Variants in STEAP1 observed in about 807,000 individuals in gnomAD.
The protein encoded by STEAP1 is STEAP1 protein.
In STEAP1, 30 loss-of-function variants were observed where a neutral mutation model predicts 34.4. That is an observed-to-expected ratio of 0.87 (90% CI 0.65 to 1.18). The LOEUF (loss-of-function observed/expected upper bound fraction) is 1.18, where lower values mean the gene tolerates loss of function less well. STEAP1 is among the 50% of genes most tolerant of loss of function. The pLI is 0.00. For missense variants in STEAP1, 318 were observed against 391.1 expected, an observed-to-expected ratio of 0.81 and a Z score of 1.58; for synonymous variants, 116 against 135.3, an observed-to-expected ratio of 0.86 and a Z score of 0.99.
At chr7:90,156,099 A>T (rs983013910) in intron 1 of STEAP1, among the ~76,000 whole-genome samples, 1 of 152,198 alleles carries the variant, frequency 6.6e-6, no homozygotes, top group African/African-American at 2.4e-5. Context: ...TGTTGTTCAC[A>T]ATATAGTTAA....
intron 3 of STEAP1, 57 bp from the exon 4 acceptor site, chr7:90,161,857 A>T: frequency 6.4e-7 from 1 of 1,557,894 alleles, no homozygotes; most frequent in South Asian, 1.3e-5. Flanking sequence ...AAGGAGATTC[A>T]CATTCAGGAA....
intron 1 of STEAP1, among the ~76,000 whole-genome samples, chr7:90,154,781 G>A (rs1202808018): frequency 1.3e-5 from 2 of 152,210 alleles, no homozygotes; most frequent in Non-Finnish European, 2.9e-5. Context: ...GTTGGGGAGA[G>A]CCAGGGACTC....
In STEAP1 at chr7:90,164,545, G is replaced by A. The variant is rs1329021493; in HGVS notation, c.831G>A (p.Trp277Ter). Residue 277 changes from tryptophan (W) to a stop codon, truncating the protein, a stop_gained, in exon 5 of 5, where the codon TGG (tryptophan) becomes TGA (stop). Transcript: ENST00000297205. LOFTEE classifies it high-confidence loss of function. Reference protein sequence around the residue: ...IHALIFAWNKWIDIKQFVWYT... With the variant: ...IHALIFAWNK ...CATTGATTTTTGCCTGGAATAAGTG[G>A]ATAGATATAAAACAATTTGTATGGT... The A allele has an allele frequency of 1.2e-6, 2 of 1,613,558 alleles. No homozygotes were observed. Among genetic ancestry groups the A allele is most frequent in the Admixed American group, 3.3e-5 (2 of 59,998 alleles).
chr7:90,159,975 CT>C (rs1794161964), intron 2 of STEAP1, 103 bp downstream of exon 2: 2 of 783,592 alleles, frequency 2.6e-6, no homozygotes, highest in Non-Finnish European at 1.8e-6. Flanking sequence ...ATTTTTCACC[CT>C]AGTCTGCTGA....
At position 90,164,363 on chromosome 7, in the gene STEAP1, TA is replaced by T. The variant is rs939696669; in HGVS notation, c.763-113del. 7 of 1,245,018 alleles carry T rather than the reference TA, an allele frequency of 5.6e-6. No homozygotes were observed. In the African/African-American group the frequency reaches 1.1e-4, roughly 19 times the overall value. 77.1% of individuals were successfully genotyped at this position (1,245,018 alleles called of 1,614,324 possible). A position where few individuals can be genotyped will look rare whatever the true frequency, so the allele number is the denominator to read the frequency against. ...GAATGGACATTGTTGAGAAATGTGA[TA>T]GGAAAACAATCATAGATAAAGGATT... is the stretch of plus-strand genomic sequence containing the variant. On this transcript the variant is annotated intron_variant, in intron 4 of 4. Transcript: ENST00000297205.
rs375178272 is a variant in STEAP1 at position 90,161,293 on chromosome 7, G to A, written c.573G>A (p.Lys191=). The A allele has an allele frequency of 8.7e-6, 14 of 1,613,232 alleles. No homozygotes were observed. In the African/African-American group the frequency reaches 1.5e-4, roughly 17 times the overall value. ...CAATGAGGCGATCCTACAGATACAA[G>A]TTGCTAAACTGGGCATATCAACAGG... is the stretch of plus-strand genomic sequence containing the variant. ...SYPMRRSYRY[K]LLNWAYQQVQ... The change falls in exon 3 of 5, where the codon AAG becomes AAA. Residue 191 remains lysine, a synonymous_variant. Transcript: ENST00000297205.
chr7:90,160,877 G>A lies in STEAP1; in HGVS notation c.157G>A (p.Asp53Asn), dbSNP rs138781089. ...LLHLHQTAHADEFDCPSELQH... is the reference protein window; with the variant it reads ...LLHLHQTAHANEFDCPSELQH... ...GCATTTGCACCAAACAGCCCATGCT[G>A]ATGAATTTGACTGCCCTTCAGAACT... Residue 53 changes from aspartate to asparagine, a missense_variant, in exon 3 of 5, where the codon GAT becomes AAT. Asp to Asn is a conservative substitution (Grantham distance 23). Transcript: ENST00000297205. 163 of 1,613,994 alleles carry A rather than the reference G, an allele frequency of 1.0e-4. No individual in the cohort carries two copies. The African/African-American group carries it at 1.9e-3, about 19-fold the overall frequency.
At chr7:90,157,076 T>A (rs949307754) in intron 1 of STEAP1, among the ~76,000 whole-genome samples, 1 of 152,186 alleles carries the variant, frequency 6.6e-6, no homozygotes, top group East Asian at 1.9e-4. Flanking sequence ...TCTTTAATGT[T>A]GGTCACAGAG....
intron 4 of STEAP1, among the ~76,000 whole-genome samples, chr7:90,163,969 T>C (rs949247110): frequency 6.6e-6 from 1 of 152,222 alleles, no homozygotes; most frequent in Non-Finnish European, 1.5e-5. Flanking sequence ...TTAGTCGCCT[T>C]CACAACTGAT....
chr7:90,156,460 C>A (rs545394327), intron 1 of STEAP1, among the ~76,000 whole-genome samples: 110 of 152,358 alleles, frequency 7.2e-4, no homozygotes, highest in African/African-American at 2.6e-3. Context: ...CCCGTGGCCG[C>A]AGACTGGTAT....
In STEAP1 at chr7:90,161,137, C is replaced by T; in HGVS notation, c.417C>T (p.Val139=). ...TGCCAGGTGTGATAGCAGCAATTGT[C>T]CAACTTCATAATGGAACCAAGTATA... The part of the protein sequence containing the change: ...VYLPGVIAAI[V]QLHNGTKYKK... Residue 139 remains valine (V), a synonymous_variant, in exon 3 of 5, where the codon GTC becomes GTT. Coordinates refer to ENST00000297205, the MANE Select transcript of STEAP1 (RefSeq NM_012449.3). The T allele has an allele frequency of 6.2e-7, 1 of 1,614,002 alleles. No individual in the cohort carries two copies. Among genetic ancestry groups the T allele is most frequent in the Non-Finnish European group, 8.5e-7 (1 of 1,179,878 alleles).
intron 1 of STEAP1, among the ~76,000 whole-genome samples, chr7:90,155,277 A>G (rs1264971182): frequency 1.3e-5 from 2 of 152,038 alleles, no homozygotes; most frequent in Non-Finnish European, 2.9e-5. Flanking sequence ...AAAACAAAAA[A>G]CTCGACTTCA....
At chr7:90,156,693 C>CA (rs1794123383) in intron 1 of STEAP1, among the ~76,000 whole-genome samples, 1 of 152,182 alleles carries the variant, frequency 6.6e-6, no homozygotes, top group African/African-American at 2.4e-5. Context: ...AGTTTCACCT[C>CA]AAAACCCTAT....
intron 4 of STEAP1, among the ~76,000 whole-genome samples, 167 bp from the exon 5 acceptor site, chr7:90,164,310 A>G (rs1428805085): frequency 1.3e-5 from 2 of 152,172 alleles, no homozygotes; most frequent in African/African-American, 4.8e-5. Flanking sequence ...TAAGGTGAGG[A>G]GGATAGGCAA....
chr7:90,161,656 A>G (rs1794188838), intron 3 of STEAP1, among the ~76,000 whole-genome samples: 1 of 152,084 alleles, frequency 6.6e-6, no homozygotes, highest in South Asian at 2.1e-4. Context: ...TGCACATTAC[A>G]GTTCTATCCA....
At chr7:90,156,311 C>G (rs574177799) in intron 1 of STEAP1, among the ~76,000 whole-genome samples, 2 of 152,262 alleles carry the variant, frequency 1.3e-5, no homozygotes, top group South Asian at 4.1e-4. Flanking sequence ...GTCTCTCCCT[C>G]AGATCTCATG....
intron 1 of STEAP1, among the ~76,000 whole-genome samples, chr7:90,158,330 T>C (rs1243304148): frequency 1.3e-5 from 2 of 152,246 alleles, no homozygotes; most frequent in Admixed American, 1.3e-4. Context: ...TTTTACTTTA[T>C]TAACTTATTG....
intron 1 of STEAP1, among the ~76,000 whole-genome samples, chr7:90,158,562 T>C (rs1794144689): frequency 6.6e-6 from 1 of 152,150 alleles, no homozygotes; most frequent in Non-Finnish European, 1.5e-5. Context: ...CTCTATATCT[T>C]GTCCCACTGG....
At position 90,164,618 on chromosome 7, in the gene STEAP1, C is replaced by T. The variant is rs1794229462; in HGVS notation, c.904C>T (p.Leu302=). 1 of 1,613,688 alleles carries T rather than the reference C, an allele frequency of 6.2e-7. No individual in the cohort carries two copies. The highest frequency in any genetic ancestry group is 2.2e-5 in the East Asian group (1 of 44,810). ...MIAVFLPIVV[L]IFKSILFLPC... Reference sequence around the variant, plus strand: ...AGCTGTTTTCCTTCCAATTGTTGTCCTGATATTTAAAAGCATACTATTCCT... The same window carrying T: ...AGCTGTTTTCCTTCCAATTGTTGTCTTGATATTTAAAAGCATACTATTCCT... Residue 302 remains leucine (L), a synonymous_variant, in exon 5 of 5, where the codon CTG becomes TTG. Transcript: ENST00000297205.
Sources: gnomAD v4.1 joint callset for allele counts (sites outside exome capture counted in the v4.1 genomes callset) on GRCh38, gnomAD v4.1.1 for gene constraint, MANE v1.5 for transcripts, NCBI Gene and HGNC (gene_info 2026-07-23, HGNC 2026-07-21) for gene names.